Variants in LRRC37B observed in about 807,000 individuals in gnomAD.
LRRC37B encodes the protein leucine-rich repeat-containing protein 37B.
A neutral mutation model predicts 98.3 loss-of-function variants in LRRC37B; 28 were observed. The observed-to-expected ratio is 0.28, with a 90% confidence interval of 0.21 to 0.39. The LOEUF (loss-of-function observed/expected upper bound fraction) is 0.39. Ranked by LOEUF, LRRC37B falls within the 10% of genes least tolerant of loss-of-function variation. LRRC37B has a pLI of 1.00. For synonymous variants in LRRC37B, 364 were observed against 442.7 expected (o/e 0.82, Z 2.23); for missense variants, 938 against 1,182.7 (o/e 0.79, Z 3.03).
In LRRC37B at chr17:32,008,079, A is replaced by G. The variant is rs748626009; in HGVS notation, c.-244A>G. 2.1e-6 allele frequency: 1 copy of G among 470,676 alleles called. No individual in the cohort carries two copies. The highest frequency in any genetic ancestry group is 2.1e-5 in the South Asian group (1 of 46,892). The allele number at this position is 470,676 out of a possible 1,614,324, so 29.2% of individuals were successfully genotyped here. A position where few individuals can be genotyped will look rare whatever the true frequency, so the allele number is the denominator to read the frequency against. On this transcript the variant is annotated 5_prime_UTR_variant, in exon 1 of 15. The change abolishes an upstream ATG in the 5' untranslated region. Coordinates refer to the LRRC37B transcript ENST00000543378. ...TCCGATTATCCGGAGGAGCTGGAAG[A>G]TGACGACGAGGACGCCAGTTACTCC... is the stretch of plus-strand genomic sequence containing the variant.
chr17:32,047,563 G>C, intron 8 of LRRC37B, 198 bp from the exon 12 acceptor site: 1 of 689,130 alleles, frequency 1.5e-6, no homozygotes. Flanking sequence ...AATGTTCCAA[G>C]TAGGTGGCCA....
At chr17:32,018,209 C>T (rs1910688234), upstream of LRRC37B, among the ~76,000 whole-genome samples, 1 of 151,992 alleles carries the variant, frequency 6.6e-6, no homozygotes, top group East Asian at 1.9e-4. Flanking sequence ...GTGCATGCAT[C>T]CCAGCTACTC....
chr17:32,023,120 CTTT>C (rs1224317741), intron 1 of LRRC37B, among the ~76,000 whole-genome samples: 3 of 133,080 alleles, frequency 2.3e-5, no homozygotes, highest in Non-Finnish European at 4.8e-5. Flanking sequence ...GCTTCACCCT[CTTT>C]TTTTTTTTTT....
chr17:32,051,480 C>CAAAAAA (rs552641167), intron 11 of LRRC37B: 1 of 65,994 alleles, frequency 1.5e-5, no homozygotes. Flanking sequence ...GACTCTGCCT[C>CAAAAAA]AAAAAAAAAA....
At chr17:32,046,586 T>G (rs1183945420) in intron 8 of LRRC37B, among the ~76,000 whole-genome samples, 3 of 150,480 alleles carry the variant, frequency 2.0e-5, no homozygotes, top group African/African-American at 7.3e-5. Context: ...TTTTCAAAAC[T>G]TTTTCTTTTT....
intron 2 of LRRC37B, among the ~76,000 whole-genome samples, chr17:32,027,027 A>G (rs1015905916): frequency 2.0e-4 from 30 of 152,122 alleles, no homozygotes; most frequent in Admixed American, 1.0e-3. Context: ...TGTCTCAGAA[A>G]TTAAATTAAA....
intron 2 of LRRC37B, among the ~76,000 whole-genome samples, chr17:32,027,431 C>A (rs1257024484): frequency 2.8e-5 from 3 of 105,594 alleles, no homozygotes; most frequent in African/African-American, 6.9e-5. Context: ...GCGTGCTTGC[C>A]TGTGTGTGTG....
upstream of LRRC37B, chr17:32,020,896 G>A (rs1910751754): frequency 7.4e-7 from 1 of 1,357,862 alleles, no homozygotes; most frequent in Admixed American, 2.9e-5. Context: ...ACCCCGGTCT[G>A]CGGCCCAAAT....
chr17:32,053,094 A>T (rs1461439630), intron 11 of LRRC37B, 172 bp from the exon 15 acceptor site: 1 of 621,398 alleles, frequency 1.6e-6, no homozygotes, highest in Non-Finnish European at 2.9e-6. Flanking sequence ...GGTAGCAAGG[A>T]TGACTGAACT....
At chr17:32,048,780 C>T (rs1335041609) in intron 9 of LRRC37B, among the ~76,000 whole-genome samples, 5 of 152,218 alleles carry the variant, frequency 3.3e-5, no homozygotes, top group Admixed American at 1.3e-4. Flanking sequence ...CTCATAAATT[C>T]GCAAGGGGTT....
intron 1 of LRRC37B, among the ~76,000 whole-genome samples, chr17:32,014,272 T>C (rs1598200808): frequency 1.3e-5 from 2 of 152,314 alleles, no homozygotes; most frequent in African/African-American, 4.8e-5. Context: ...ATAAAAGTAA[T>C]GAACCTTTCT....
At chr17:32,022,658 G>A (rs1467104484) in exon 1 of LRRC37B, 14 of 1,613,908 alleles carry the variant, frequency 8.7e-6, no homozygotes, top group Non-Finnish European at 8.5e-6. Context: ...CATTGGTGCA[G>A]TCTGAAACTG....
chr17:32,012,793 A>C (rs1443183920), intron 1 of LRRC37B, among the ~76,000 whole-genome samples: 1 of 150,878 alleles, frequency 6.6e-6, no homozygotes, highest in Non-Finnish European at 1.5e-5. Context: ...GAGGAGGGTG[A>C]ATCACCTGAG....
chr17:32,014,245 T>G lies in LRRC37B; in HGVS notation c.-190-3727T>G, dbSNP rs557598304. Among the ~76,000 whole-genome samples the G allele has an allele frequency of 1.1e-4, 16 of 152,328 alleles. No homozygotes were observed. The East Asian group carries it at 2.7e-3, about 26-fold the overall frequency. On this transcript the variant is annotated intron_variant, in intron 1 of 14. Transcript: ENST00000543378. ...AAAGATCTAGTGATGATAAAGGCTATGGCCCACAATGAAGATATAAAAGTA... is the reference window on the plus strand; with the variant it reads ...AAAGATCTAGTGATGATAAAGGCTAGGGCCCACAATGAAGATATAAAAGTA...
Position 32,021,749 on chromosome 17 carries a change from C to G in LRRC37B, c.684C>G (p.Ser228Arg), listed in dbSNP as rs34912557. Residue 228 changes from serine (S) to arginine (R), a missense_variant, in exon 1 of 12, where the codon AGC (serine) becomes AGG (arginine). Around this residue, in one of 2 missense-constraint regions of LRRC37B, gnomAD observed 610 missense variants for 625.6 expected, o/e 0.98. Transcript: ENST00000327564. ...AGAAAGATCTAGCTGAACGTTGGAG[C>G]CTTCCTGAGATTGTTGGGATTCCAC... The G allele has an allele frequency of 2.1e-5, 34 of 1,614,062 alleles. No individual in the cohort carries two copies. In the African/African-American group the frequency reaches 4.3e-4, roughly 20 times the overall value.
At chr17:32,026,536 C>T (rs1331135023) in intron 2 of LRRC37B, among the ~76,000 whole-genome samples, 3 of 152,216 alleles carry the variant, frequency 2.0e-5, no homozygotes, top group Admixed American at 6.5e-5. Flanking sequence ...TCAAGGGATT[C>T]TCCTGCCTCA....
chr17:32,027,024 GAAATTAAATTAAATT>G (rs748243835), intron 2 of LRRC37B, among the ~76,000 whole-genome samples: 2 of 152,040 alleles, frequency 1.3e-5, no homozygotes, highest in Non-Finnish European at 2.9e-5. Flanking sequence ...CCCTGTCTCA[GAAATTAAATTAAATT>G]AAATTAAATT....
exon 1 of LRRC37B, chr17:32,021,298 G>A (rs751009837): frequency 9.9e-6 from 16 of 1,613,300 alleles, no homozygotes; most frequent in Middle Eastern, 1.8e-4. Flanking sequence ...TGGTCTTCCC[G>A]CTCCTCCCAT....
At chr17:32,007,676 C>T (rs1035747212), upstream of LRRC37B, among the ~76,000 whole-genome samples, 3 of 150,988 alleles carry the variant, frequency 2.0e-5, no homozygotes, top group African/African-American at 7.3e-5. The surrounding 1 kb of genome is among the most constrained non-coding windows in gnomAD (Gnocchi z 4.1). Context: ...CGCCCCGGCC[C>T]CGCCGCCGCC....
Sources: gnomAD v4.1 joint callset for allele counts (sites outside exome capture counted in the v4.1 genomes callset) on GRCh38, gnomAD v4.1.1 for gene constraint, gnomAD v4.1.1 regional missense constraint, Gnocchi (gnomAD v3.1) non-coding constraint, MANE v1.5 for transcripts, NCBI Gene and HGNC (gene_info 2026-07-23, HGNC 2026-07-21) for gene names.